Variants in PLPBP observed in about 807,000 individuals in gnomAD.
PLPBP encodes the protein pyridoxal phosphate homeostasis protein.
A neutral mutation model predicts 31.2 loss-of-function variants in PLPBP; 21 were observed. The observed-to-expected ratio is 0.67, with a 90% CI of 0.48 to 0.97. The LOEUF (loss-of-function observed/expected upper bound fraction) is 0.97, where lower values mean the gene tolerates loss of function less well. PLPBP is among the 50% of genes least tolerant of loss of function. The probability of loss-of-function intolerance (pLI) is 0.00; values close to 1 mark genes in which losing one functional copy is unlikely to be tolerated. For synonymous variants in PLPBP, 124 were observed against 135.6 expected (o/e 0.91, Z 0.59); for missense variants, 308 against 354.4 (o/e 0.87, Z 1.05).
At position 37,779,669 on chromosome 8, in the gene PLPBP, G is replaced by A. The variant is rs1038689358; in HGVS notation, c.*1565G>A. ...TGATTCCTGTATTATTTCAGTGAGA[G>A]CTACAGTGTGATATTTCAGAGTCTA... On this transcript the variant is annotated 3_prime_UTR_variant, in exon 8 of 8. Transcript: ENST00000328195. The A allele has an allele frequency of 2.0e-5, 3 of 152,652 alleles. No individual in the cohort carries two copies. Among genetic ancestry groups the A allele is most frequent in the Non-Finnish European group, 2.9e-5 (2 of 68,052 alleles). The allele number at this position is 152,652 out of a possible 1,614,324, so 9.5% of individuals were successfully genotyped here.
At chr8:37,775,599 T>G in intron 6 of PLPBP, 118 bp downstream of exon 6, 3 of 1,431,604 alleles carry the variant, frequency 2.1e-6, no homozygotes, top group Non-Finnish European at 2.8e-6. Context: ...TGTTGAGTGT[T>G]CTAGCCCTCT....
intron 4 of PLPBP, among the ~76,000 whole-genome samples, chr8:37,767,324 C>T (rs960394568): frequency 3.3e-5 from 5 of 152,166 alleles, no homozygotes; most frequent in African/African-American, 4.8e-5. Flanking sequence ...CCTCCTGTCC[C>T]TTGGTAATCC....
intron 4 of PLPBP, among the ~76,000 whole-genome samples, chr8:37,768,859 TAGTC>T (rs1220248317): frequency 6.6e-6 from 1 of 152,248 alleles, no homozygotes; most frequent in African/African-American, 2.4e-5. Flanking sequence ...GAAAAATGTC[TAGTC>T]AGTCCTCTGC....
At chr8:37,765,655 C>G (rs377505444) in intron 2 of PLPBP, 22 bp downstream of exon 2, 3 of 1,614,048 alleles carry the variant, frequency 1.9e-6, no homozygotes, top group African/African-American at 1.3e-5. Flanking sequence ...TTCCTGAAGC[C>G]CTTTGGAAGC....
intron 6 of PLPBP, 47 bp from the exon 7 acceptor site, chr8:37,775,871 T>C (rs1250589122): frequency 6.7e-7 from 1 of 1,502,448 alleles, no homozygotes; most frequent in South Asian, 1.1e-5. Flanking sequence ...CTTTTGGGCA[T>C]CGTTAGAGAA....
rs1056017 is a variant in PLPBP, at chr8:37,767,417, T to C, written c.319+1062T>C. Among the ~76,000 whole-genome samples, 299 of 152,364 alleles carry C rather than the reference T, an allele frequency of 2.0e-3. 1 individual carries two copies. Among genetic ancestry groups the C allele is most frequent in the South Asian group, 8.7e-3 (42 of 4,834 alleles). ...TTAATGTACGTGAGTTTACATTTTT[T>C]AGAGTTTTATCCAAAGGGAATCATG... On this transcript the variant is annotated intron_variant, in intron 4 of 7. Coordinates refer to ENST00000328195, the MANE Select transcript of PLPBP (RefSeq NM_007198.4).
rs766472215 is a variant in PLPBP at position 37,765,614 on chromosome 8, G to A, written c.188G>A (p.Arg63His). The A allele has an allele frequency of 3.1e-6, 5 of 1,614,182 alleles. No homozygotes were observed. The Admixed American group carries it at 5.0e-5, about 16-fold the overall frequency. The change falls in exon 2 of 8, where the codon CGC (arginine) becomes CAC (histidine). Residue 63 changes from arginine to histidine, a missense_variant. By Grantham distance (29) the Arg-to-His change is conservative (BLOSUM62 0). This residue lies in a region of PLPBP where 120 missense variants were observed against 95.1 expected (regional missense o/e 1.26). Transcript: ENST00000328195. ...MVIEAYGHGQ[R>H]TFGENYVQEL... ...ATCGAGGCCTATGGACATGGGCAGC[G>A]CACTTTTGGCGAGAACTACGTAAGA...
chr8:37,766,296 C>T lies in PLPBP; in HGVS notation c.260C>T (p.Pro87Leu), dbSNP rs755946598. 102 of 1,609,148 alleles carry T rather than the reference C, an allele frequency of 6.3e-5. No individual in the cohort carries two copies. Among genetic ancestry groups the T allele is most frequent in the Non-Finnish European group, 8.2e-5 (96 of 1,177,854 alleles). Residue 87 changes from proline to leucine, a missense_variant, in exon 4 of 8, where the codon CCT (proline) becomes CTT (leucine). Transcript: ENST00000328195. ...TCCCCTCAGATTCTGTCTTTGTGTC[C>T]TGAGATCAAATGGCACTTCATTGGC... is the stretch of plus-strand genomic sequence containing the variant. ...ASNPKILSLC[P>L]EIKWHFIGHL...
intron 5 of PLPBP, among the ~76,000 whole-genome samples, chr8:37,774,558 C>G (rs907659097): frequency 2.6e-5 from 4 of 152,184 alleles, no homozygotes; most frequent in African/African-American, 9.7e-5. Flanking sequence ...CATTTGATTG[C>G]AACCATCAAA....
At chr8:37,770,749 G>A (rs531369492) in intron 4 of PLPBP, among the ~76,000 whole-genome samples, 1 of 151,898 alleles carries the variant, frequency 6.6e-6, no homozygotes, top group Non-Finnish European at 1.5e-5. Context: ...GCTAATTTTT[G>A]TATTTTTGGT....
chr8:37,764,414 C>T (rs1394928160), intron 1 of PLPBP, among the ~76,000 whole-genome samples: 6 of 152,202 alleles, frequency 3.9e-5, no homozygotes, highest in African/African-American at 1.4e-4. Flanking sequence ...CTCCACCTCC[C>T]GGATTCAAGC....
intron 1 of PLPBP, 155 bp from the exon 2 acceptor site, chr8:37,765,371 A>G (rs567462459): frequency 3.2e-5 from 22 of 692,380 alleles, no homozygotes; most frequent in Middle Eastern, 4.2e-4. Context: ...GATCACCACT[A>G]TTTGATATTG....
chr8:37,778,089 G>T lies in PLPBP; in HGVS notation c.813G>T (p.Val271=), dbSNP rs1192892969. ...CAADVKAPLE[V]AQEH is the part of the protein sequence containing the mutation. Reference sequence around the variant, plus strand: ...CAGACGTGAAGGCCCCGCTGGAGGTGGCACAGGAGCACTGAGCCAGGGAAT... The same window carrying T: ...CAGACGTGAAGGCCCCGCTGGAGGTTGCACAGGAGCACTGAGCCAGGGAAT... Residue 271 remains valine, a synonymous_variant, in exon 8 of 8, where the codon GTG becomes GTT. Coordinates refer to ENST00000328195, the MANE Select transcript of PLPBP (RefSeq NM_007198.4). 1.9e-6 allele frequency: 3 copies of T among 1,613,172 alleles called. No individual in the cohort carries two copies. Among genetic ancestry groups the T allele is most frequent in the Non-Finnish European group, 2.5e-6 (3 of 1,179,482 alleles).
chr8:37,771,159 T>C (rs1331201708), intron 4 of PLPBP, among the ~76,000 whole-genome samples: 1 of 151,700 alleles, frequency 6.6e-6, no homozygotes, highest in Admixed American at 6.6e-5. Context: ...TTTTAGTCTT[T>C]CTAGTCTTGC....
chr8:37,770,072 A>G (rs1172911769), intron 4 of PLPBP, among the ~76,000 whole-genome samples: 3 of 152,236 alleles, frequency 2.0e-5, no homozygotes, highest in Non-Finnish European at 4.4e-5. Context: ...GCCCAAAGCA[A>G]TCTACAGATC....
chr8:37,765,339 C>T (rs188729450), intron 1 of PLPBP, among the ~76,000 whole-genome samples, 187 bp from the exon 2 acceptor site: 78 of 152,270 alleles, frequency 5.1e-4, no homozygotes, highest in African/African-American at 1.6e-3. Flanking sequence ...AGATGCCATG[C>T]GCCTAAAAAA....
intron 5 of PLPBP, among the ~76,000 whole-genome samples, chr8:37,774,191 A>G (rs1335867884): frequency 2.0e-5 from 3 of 152,178 alleles, no homozygotes; most frequent in African/African-American, 7.2e-5. Context: ...AGCCTGGGCG[A>G]CAGAGTTAGA....
In PLPBP at chr8:37,778,176, G is replaced by A. The variant is rs1424765165; in HGVS notation, c.*72G>A. The A allele has an allele frequency of 1.1e-5, 17 of 1,555,368 alleles. No homozygotes were observed. The highest frequency in any genetic ancestry group is 1.7e-5 in the Admixed American group (1 of 58,230). On this transcript the variant is annotated 3_prime_UTR_variant, in exon 8 of 8. Transcript: ENST00000328195. The stretch of plus-strand genomic sequence containing the variant: ...ATTTCGATATTCCCTGTGTCCCAGC[G>A]CAGTCCTGCTCTCCTGTGACCTGTG...
Position 37,766,161 on chromosome 8 carries a change from T to A in PLPBP, c.244-119T>A, listed in dbSNP as rs182557116. ...GGAGGCCGGGTGAAGATTGTGATAG[T>A]TTATTACATTTAAGGAACAGAGAGT... On this transcript the variant is annotated intron_variant, in intron 3 of 7. Transcript: ENST00000328195. 145 of 747,926 alleles carry A rather than the reference T, an allele frequency of 1.9e-4. 1 individual carries two copies. In the East Asian group the frequency reaches 3.6e-3, roughly 18 times the overall value. The allele number at this position is 747,926 out of a possible 1,614,324, so 46.3% of individuals were successfully genotyped here.
Sources: gnomAD v4.1 joint callset for allele counts (sites outside exome capture counted in the v4.1 genomes callset) on GRCh38, gnomAD v4.1.1 for gene constraint, gnomAD v4.1.1 regional missense constraint, MANE v1.5 for transcripts, NCBI Gene and HGNC (gene_info 2026-07-23, HGNC 2026-07-21) for gene names.